Variants in LRRC17 observed in about 807,000 individuals in gnomAD.
LRRC17 encodes leucine-rich repeat-containing protein 17.
A neutral mutation model predicts 41.5 loss-of-function variants in LRRC17; 33 were observed. The observed-to-expected ratio is 0.80, with a 90% CI of 0.60 to 1.06. The LOEUF is 1.06. LRRC17 is among the 50% of genes least tolerant of loss of function. LRRC17 has a pLI of 0.00. For synonymous variants in LRRC17, 192 were observed against 197.0 expected, an observed-to-expected ratio of 0.97 and a Z score of 0.21; for missense variants, 491 against 519.3, an observed-to-expected ratio of 0.95 and a Z score of 0.53.
At chr7:102,922,769 G>A (rs1439031038) in intron 1 of LRRC17, among the ~76,000 whole-genome samples, 2 of 151,768 alleles carry the variant, frequency 1.3e-5, no homozygotes, top group Admixed American at 6.6e-5. Flanking sequence ...TCAGGAGATC[G>A]AGACCATCCT....
chr7:102,913,260 T>C, intron 1 of LRRC17, 115 bp downstream of exon 1: 1 of 1,610,270 alleles, frequency 6.2e-7, no homozygotes, highest in African/African-American at 1.3e-5. Flanking sequence ...ACTTCCGTTG[T>C]TCTCTCAAAT....
intron 1 of LRRC17, among the ~76,000 whole-genome samples, chr7:102,924,116 T>C (rs1365730984): frequency 6.6e-6 from 1 of 151,354 alleles, no homozygotes; most frequent in Non-Finnish European, 1.5e-5. Context: ...CACATGCCTC[T>C]AATCCCAGCT....
rs73714536 is a variant in LRRC17 at position 102,916,593 on chromosome 7, A to G, written c.-141+3448A>G. ...ACGGGAAAAGTGTCAGTTGACAGCA[A>G]AATCACAGGTGGCAAATTTTGTGCA... On this transcript the variant is annotated intron_variant, in intron 1 of 3. Transcript: ENST00000339431. Among the ~76,000 whole-genome samples the G allele has an allele frequency of 5.8e-3, 881 of 152,316 alleles. 2 individuals carry two copies. Among genetic ancestry groups the G allele is most frequent in the African/African-American group, 0.02 (820 of 41,560 alleles).
At chr7:102,931,130 A>G (rs1819092790) in intron 1 of LRRC17, among the ~76,000 whole-genome samples, 1 of 152,214 alleles carries the variant, frequency 6.6e-6, no homozygotes, top group Non-Finnish European at 1.5e-5. Context: ...AGAGGAAAGC[A>G]CCACTTGGGG....
At chr7:102,939,086 A>G (rs1357391811) in intron 2 of LRRC17, among the ~76,000 whole-genome samples, 1 of 152,200 alleles carries the variant, frequency 6.6e-6, no homozygotes, top group Non-Finnish European at 1.5e-5. Context: ...AGCCCAGCAG[A>G]TGTGGGTTCA....
At chr7:102,942,154 T>C (rs1585057769) in intron 3 of LRRC17, 3 of 576,568 alleles carry the variant, frequency 5.2e-6, no homozygotes, top group South Asian at 5.1e-5. Flanking sequence ...CCTACATTAA[T>C]AAATATTTAC....
intron 1 of LRRC17, among the ~76,000 whole-genome samples, chr7:102,931,547 G>T (rs1563109204): frequency 6.6e-6 from 1 of 152,166 alleles, no homozygotes; most frequent in Non-Finnish European, 1.5e-5. Flanking sequence ...CACAGCTGTT[G>T]ATAGCCATGA....
intron 1 of LRRC17, among the ~76,000 whole-genome samples, chr7:102,931,077 T>C (rs1364890654): frequency 1.3e-5 from 2 of 152,156 alleles, no homozygotes; most frequent in African/African-American, 4.8e-5. Flanking sequence ...GAGCCAGTGA[T>C]GTCTTGGTAG....
intron 1 of LRRC17, among the ~76,000 whole-genome samples, chr7:102,928,815 G>A (rs757554919): frequency 2.0e-5 from 3 of 152,180 alleles, no homozygotes; most frequent in Non-Finnish European, 2.9e-5. Flanking sequence ...GGAGAATGTA[G>A]TAGTCAAGAT....
intron 1 of LRRC17, among the ~76,000 whole-genome samples, chr7:102,914,360 C>A (rs903691637): frequency 6.6e-6 from 1 of 152,206 alleles, no homozygotes; most frequent in Non-Finnish European, 1.5e-5. Flanking sequence ...CATGAGCCAC[C>A]GTGCCCAGAA....
chr7:102,939,009 A>G (rs549812255), intron 2 of LRRC17, among the ~76,000 whole-genome samples: 25 of 152,096 alleles, frequency 1.6e-4, no homozygotes, highest in Non-Finnish European at 2.2e-4. Flanking sequence ...TTTTCGACCC[A>G]TTTATTTGTG....
At chr7:102,926,381 GAA>G (rs1393190614) in intron 1 of LRRC17, 1 of 1,606,822 alleles carries the variant, frequency 6.2e-7, no homozygotes, top group African/African-American at 1.3e-5. Context: ...CATCCTGCAT[GAA>G]AAACAGAGGG....
chr7:102,930,199 AG>A (rs1405601193), intron 1 of LRRC17, among the ~76,000 whole-genome samples: 1 of 152,198 alleles, frequency 6.6e-6, no homozygotes, highest in Non-Finnish European at 1.5e-5. Flanking sequence ...GAGAGGTAGC[AG>A]GGAGGGGCCA....
intron 1 of LRRC17, chr7:102,931,972 G>C: frequency 6.3e-7 from 1 of 1,588,532 alleles, no homozygotes. Context: ...ACTACATATT[G>C]CAAATGTTTA....
At chr7:102,927,042 A>G (rs1260093918) in intron 1 of LRRC17, among the ~76,000 whole-genome samples, 2 of 152,230 alleles carry the variant, frequency 1.3e-5, no homozygotes, top group African/African-American at 2.4e-5. Flanking sequence ...CAGAAAGCTG[A>G]AAACTGAAGT....
intron 1 of LRRC17, among the ~76,000 whole-genome samples, chr7:102,930,543 T>C (rs1818971664): frequency 6.6e-6 from 1 of 152,234 alleles, no homozygotes; most frequent in African/African-American, 2.4e-5. Flanking sequence ...GAAGCAATAA[T>C]TGGCAGTCCC....
At chr7:102,941,382 T>C (rs2129475474) in intron 3 of LRRC17, among the ~76,000 whole-genome samples, 1 of 152,148 alleles carries the variant, frequency 6.6e-6, no homozygotes, top group African/African-American at 2.4e-5. Context: ...TATGATTCCA[T>C]CTCCAACCTG....
intron 1 of LRRC17, chr7:102,926,253 T>C (rs935250023): frequency 5.6e-6 from 9 of 1,606,308 alleles, no homozygotes; most frequent in East Asian, 2.2e-5. Context: ...TTCAGTGTCA[T>C]ACAAATAACA....
At position 102,944,584 on chromosome 7, in the gene LRRC17, GTAA is replaced by G; in HGVS notation, c.1308_1310del (p.Ile437del). The G allele has an allele frequency of 6.2e-7, 1 of 1,608,402 alleles. No individual in the cohort carries two copies. The highest frequency in any genetic ancestry group is 8.5e-7 in the Non-Finnish European group (1 of 1,178,530). On this transcript the variant is annotated inframe_deletion, in exon 4 of 4. Coordinates refer to ENST00000339431, the MANE Select transcript of LRRC17 (RefSeq NM_001031692.3). Reference sequence around the variant, plus strand: ...AGATCACACCGCAAAGAAGCAAAGCGTAATAATTACTATAGTAGGATAAGGTAG... The same window carrying G: ...AGATCACACCGCAAAGAAGCAAAGCGTAATTACTATAGTAGGATAAGGTAG...
Sources: gnomAD v4.1 joint callset for allele counts (sites outside exome capture counted in the v4.1 genomes callset) on GRCh38, gnomAD v4.1.1 for gene constraint, MANE v1.5 for transcripts, NCBI Gene and HGNC (gene_info 2026-07-23, HGNC 2026-07-21) for gene names.